CNBD1: variants seen among roughly 807,000 people sequenced by gnomAD.
The protein encoded by CNBD1 is cyclic nucleotide binding domain containing 1.
A neutral mutation model predicts 54.4 loss-of-function variants in CNBD1; 71 were observed. That is an observed-to-expected ratio of 1.30 (90% CI 1.08 to 1.59). CNBD1 has a LOEUF of 1.59. Among genes scored for constraint, CNBD1 ranks in the 40% most tolerant of loss-of-function variants. CNBD1 has a pLI of 0.00. For missense variants in CNBD1, 659 were observed against 518.0 expected (o/e 1.27, Z -2.64); for synonymous variants, 182 against 170.7 (o/e 1.07, Z -0.51).
intron 8 of CNBD1, among the ~76,000 whole-genome samples, chr8:87,349,292 C>G (rs1244216276): frequency 1.3e-5 from 2 of 152,112 alleles, no homozygotes; most frequent in East Asian, 3.9e-4. Context: ...TTAGGAACAA[C>G]AATCAGGGTA....
At chr8:86,892,120 A>T (rs1471866166) in intron 2 of CNBD1, among the ~76,000 whole-genome samples, 17 of 152,074 alleles carry the variant, frequency 1.1e-4, no homozygotes, top group African/African-American at 3.9e-4. Context: ...GAAAGTGGGC[A>T]TACTTGTCTT....
At chr8:86,866,657 T>C (rs1048646624) in intron 1 of CNBD1, 74 bp downstream of exon 1, 6 of 1,141,428 alleles carry the variant, frequency 5.3e-6, no homozygotes, top group East Asian at 2.6e-5. Flanking sequence ...GCTATGAAAA[T>C]TGGGGGTATT....
intron 6 of CNBD1, among the ~76,000 whole-genome samples, chr8:87,273,345 A>C (rs1279822990): frequency 6.6e-6 from 1 of 151,488 alleles, no homozygotes; most frequent in Non-Finnish European, 1.5e-5. Flanking sequence ...AACTGGGCAC[A>C]TAGGAAGAAG....
At chr8:87,014,287 T>G (rs990690666) in intron 4 of CNBD1, among the ~76,000 whole-genome samples, 1 of 144,078 alleles carries the variant, frequency 6.9e-6, no homozygotes, top group African/African-American at 2.6e-5. Flanking sequence ...TTTTTTTTTT[T>G]GCATCTGTTG....
chr8:87,309,432 C>T (rs1311308676), intron 8 of CNBD1, among the ~76,000 whole-genome samples: 1 of 152,078 alleles, frequency 6.6e-6, no homozygotes, highest in Non-Finnish European at 1.5e-5. Context: ...ACAGATTTTC[C>T]TCCAAATTTC....
At chr8:87,151,919 T>C (rs1303316432) in intron 4 of CNBD1, among the ~76,000 whole-genome samples, 1 of 152,118 alleles carries the variant, frequency 6.6e-6, no homozygotes, top group Non-Finnish European at 1.5e-5. Flanking sequence ...TTTGATACTT[T>C]AAAAGTTTAG....
At chr8:87,183,354 G>A (rs1446653768) in intron 4 of CNBD1, among the ~76,000 whole-genome samples, 1 of 120,934 alleles carries the variant, frequency 8.3e-6, no homozygotes, top group South Asian at 2.8e-4. Flanking sequence ...GTTTTCTTTT[G>A]TTTGTTTGTT....
intron 2 of CNBD1, among the ~76,000 whole-genome samples, chr8:87,401,966 TA>T (rs1807574124): frequency 6.6e-6 from 1 of 151,942 alleles, no homozygotes. Context: ...GAAGGTGTAT[TA>T]GTTCATTTTC....
At chr8:87,119,788 G>T (rs1422976197) in intron 4 of CNBD1, among the ~76,000 whole-genome samples, 1 of 152,020 alleles carries the variant, frequency 6.6e-6, no homozygotes, top group Non-Finnish European at 1.5e-5. Flanking sequence ...TTTTTATAGT[G>T]AAGGGATGTT....
chr8:87,151,459 C>T (rs552838218), intron 4 of CNBD1, among the ~76,000 whole-genome samples: 3 of 152,176 alleles, frequency 2.0e-5, no homozygotes, highest in East Asian at 3.9e-4. Flanking sequence ...GTAAGCAATA[C>T]AAGTATATAG....
intron 4 of CNBD1, among the ~76,000 whole-genome samples, chr8:86,984,917 T>C (rs1586180144): frequency 6.6e-6 from 1 of 152,010 alleles, no homozygotes; most frequent in Non-Finnish European, 1.5e-5. Flanking sequence ...GAAGGCATGA[T>C]TGGCTTTGAA....
intron 6 of CNBD1, among the ~76,000 whole-genome samples, chr8:87,282,138 G>T (rs1349858506): frequency 6.6e-6 from 1 of 150,660 alleles, no homozygotes; most frequent in Admixed American, 6.6e-5. Context: ...TTTTCAACTT[G>T]TATATAATTA....
chr8:87,184,718 C>T (rs1169063885), intron 4 of CNBD1, among the ~76,000 whole-genome samples: 3 of 152,056 alleles, frequency 2.0e-5, no homozygotes, highest in Non-Finnish European at 4.4e-5. Context: ...CCCTTTCAGC[C>T]TCCGGGTCTA....
chr8:86,934,179 G>A (rs1442878582), intron 3 of CNBD1, among the ~76,000 whole-genome samples: 1 of 152,044 alleles, frequency 6.6e-6, no homozygotes, highest in East Asian at 1.9e-4. Flanking sequence ...AAGCAAAGTA[G>A]GTCCCCCATT....
chr8:87,305,198 C>G (rs943265172), intron 8 of CNBD1, among the ~76,000 whole-genome samples: 3 of 151,944 alleles, frequency 2.0e-5, no homozygotes, highest in South Asian at 2.1e-4. Context: ...TATACCTAAC[C>G]AAGAAGTTGA....
chr8:87,128,716 A>G (rs1812051639), intron 4 of CNBD1, among the ~76,000 whole-genome samples: 1 of 151,964 alleles, frequency 6.6e-6, no homozygotes, highest in Non-Finnish European at 1.5e-5. Flanking sequence ...TCCTTGGGAA[A>G]AACCCCACCT....
At chr8:87,234,286 G>A (rs1182364796) in intron 5 of CNBD1, among the ~76,000 whole-genome samples, 2 of 152,198 alleles carry the variant, frequency 1.3e-5, no homozygotes, top group East Asian at 3.9e-4. Flanking sequence ...GTTCTTAATG[G>A]CATCTAGAAT....
chr8:87,161,599 A>G (rs1457499373), intron 4 of CNBD1, among the ~76,000 whole-genome samples: 1 of 152,166 alleles, frequency 6.6e-6, no homozygotes, highest in Non-Finnish European at 1.5e-5. Context: ...AAGTTTTAAA[A>G]ATAGGAAAGA....
intron 8 of CNBD1, among the ~76,000 whole-genome samples, chr8:87,306,466 G>A (rs912665487): frequency 6.6e-6 from 1 of 152,156 alleles, no homozygotes; most frequent in Admixed American, 6.6e-5. Context: ...GTAGCAGCAT[G>A]ATTCACAATT....
Sources: gnomAD v4.1 joint callset for allele counts (sites outside exome capture counted in the v4.1 genomes callset) on GRCh38, gnomAD v4.1.1 for gene constraint, MANE v1.5 for transcripts, NCBI Gene and HGNC (gene_info 2026-07-23, HGNC 2026-07-21) for gene names.